Variants in TRABD2B observed in about 807,000 individuals in gnomAD.
The protein encoded by TRABD2B is metalloprotease TIKI2.
Under a neutral mutation model 40.1 loss-of-function variants are expected in TRABD2B, and 14 were observed. That is an observed-to-expected ratio of 0.35 (90% CI 0.23 to 0.55). The LOEUF is 0.55. Among genes scored for constraint, TRABD2B ranks in the 20% least tolerant of loss-of-function variants. The probability of loss-of-function intolerance (pLI) is 0.90; values close to 1 mark genes in which losing one functional copy is unlikely to be tolerated. For synonymous variants in TRABD2B, 263 were observed against 277.0 expected (o/e 0.95, Z 0.50); for missense variants, 541 against 648.6 (o/e 0.83, Z 1.80).
Position 47,997,029 on chromosome 1 carries a change from C to T in TRABD2B, c.-240G>A. ...CTGGGCCCCTCCCCCGGGCGCTCAA[C>T]CTCGCTGGCCGAGCCCCCGGGTGCT... is the stretch of plus-strand genomic sequence containing the variant. On this transcript the variant is annotated 5_prime_UTR_variant, in exon 1 of 7. Transcript: ENST00000606738. 9.4e-7 allele frequency: 1 copy of T among 1,062,824 alleles called. No individual in the cohort carries two copies. The highest frequency in any genetic ancestry group is 1.1e-6 in the Non-Finnish European group (1 of 881,304). 65.8% of individuals were successfully genotyped at this position (1,062,824 alleles called of 1,614,324 possible). A position where few individuals can be genotyped will look rare whatever the true frequency, so the allele number is the denominator to read the frequency against.
intron 2 of TRABD2B, among the ~76,000 whole-genome samples, chr1:47,989,155 C>G (rs540528825): frequency 3.6e-4 from 55 of 152,308 alleles, no homozygotes; most frequent in Non-Finnish European, 5.7e-4. Flanking sequence ...CTTGAACTTC[C>G]CAGCCTCCAG....
At position 47,763,684 on chromosome 1, in the gene TRABD2B, A is replaced by G. The variant is rs1248223527; in HGVS notation, c.*2218T>C. ...CCTGGACTGTTTACCCAAATGCTTC[A>G]TCTTTAATTAACCTCAAGCTCCATC... is the stretch of plus-strand genomic sequence containing the variant. On this transcript the variant is annotated 3_prime_UTR_variant, in exon 7 of 7. Coordinates refer to ENST00000606738, the MANE Select transcript of TRABD2B (RefSeq NM_001194986.2). The G allele has an allele frequency of 1.3e-5, 2 of 152,254 alleles. No individual in the cohort carries two copies. The highest frequency in any genetic ancestry group is 1.9e-4 in the East Asian group (1 of 5,188). 9.4% of individuals were successfully genotyped at this position (152,254 alleles called of 1,614,324 possible).
Position 47,994,153 on chromosome 1 carries a change from C to T in TRABD2B, c.547G>A (p.Val183Met). The change falls in exon 2 of 7, where the codon GTG becomes ATG. Residue 183 changes from valine (V) to methionine (M), a missense_variant. By Grantham distance (21) the Val-to-Met change is conservative. This residue lies in a region of TRABD2B where 369 missense variants were observed against 492.8 expected (regional missense o/e 0.75). Coordinates refer to ENST00000606738, the MANE Select transcript of TRABD2B (RefSeq NM_001194986.2). The surrounding 1 kb of genome is among the most constrained non-coding windows in gnomAD (Gnocchi z 6.7). ...LTERDVRFRG[V>M]PVLDLYLAQQ... The stretch of plus-strand genomic sequence containing the variant: ...GCCAGGTAGAGGTCGAGCACGGGCA[C>T]ACCACGGAAGCGCACGTCCCTCTCT... 6.5e-7 allele frequency: 1 copy of T among 1,536,550 alleles called. No individual in the cohort carries two copies. Among genetic ancestry groups the T allele is most frequent in the Non-Finnish European group, 8.7e-7 (1 of 1,147,004 alleles).
intron 2 of TRABD2B, among the ~76,000 whole-genome samples, chr1:47,838,843 A>G (rs1292350830): frequency 6.6e-6 from 1 of 152,134 alleles, no homozygotes; most frequent in Non-Finnish European, 1.5e-5. Context: ...TGGAGAAATG[A>G]GCAGTCCAAT....
Position 47,843,991 on chromosome 1 carries a change from A to G in TRABD2B, c.667-42372T>C, listed in dbSNP as rs532108084. ...CCGTAACATGTGGAAGAAAGCCCCA[A>G]TAGAAGCTGACTTTAGCCCTAACTC... On this transcript the variant is annotated intron_variant, in intron 2 of 6. Transcript: ENST00000606738. 5.3e-5 allele frequency among the ~76,000 whole-genome samples: 8 copies of G among 152,332 alleles called. No individual in the cohort carries two copies. The South Asian group carries it at 6.2e-4, about 12-fold the overall frequency.
chr1:47,858,839 G>C (rs1240746260), intron 2 of TRABD2B, among the ~76,000 whole-genome samples: 1 of 152,232 alleles, frequency 6.6e-6, no homozygotes, highest in African/African-American at 2.4e-5. Flanking sequence ...TGCCTCTAGA[G>C]AAAGGTCCTC....
At chr1:47,779,923 T>C (rs1246170017) in intron 4 of TRABD2B, among the ~76,000 whole-genome samples, 2 of 152,148 alleles carry the variant, frequency 1.3e-5, no homozygotes, top group African/African-American at 2.4e-5. Context: ...GGAACAGAGA[T>C]GCTCTGGCAG....
At chr1:47,966,692 G>A (rs1274881489) in intron 2 of TRABD2B, among the ~76,000 whole-genome samples, 1 of 152,066 alleles carries the variant, frequency 6.6e-6, no homozygotes, top group Non-Finnish European at 1.5e-5. Flanking sequence ...ATCACTTGAG[G>A]TCAGGAGTTT....
At chr1:47,807,886 T>C (rs1449990744) in intron 2 of TRABD2B, among the ~76,000 whole-genome samples, 1 of 152,196 alleles carries the variant, frequency 6.6e-6, no homozygotes, top group East Asian at 1.9e-4. Context: ...ATGGCCATGT[T>C]ATTGTCAGTA....
intron 4 of TRABD2B, among the ~76,000 whole-genome samples, chr1:47,792,269 C>A (rs1287693985): frequency 1.3e-5 from 2 of 152,238 alleles, no homozygotes; most frequent in Non-Finnish European, 2.9e-5. Flanking sequence ...ACGTTCATTT[C>A]TTCACTCATT....
At chr1:47,786,463 T>A (rs907748299) in intron 4 of TRABD2B, among the ~76,000 whole-genome samples, 10 of 152,184 alleles carry the variant, frequency 6.6e-5, no homozygotes, top group Non-Finnish European at 1.2e-4. Context: ...GAGGGGATGT[T>A]CCTCTGGCTG....
intron 2 of TRABD2B, among the ~76,000 whole-genome samples, chr1:47,855,599 T>C (rs367735142): frequency 8.2e-4 from 125 of 152,348 alleles, no homozygotes; most frequent in African/African-American, 2.5e-3. Context: ...TCTGTGAACA[T>C]AGTATGATTC....
chr1:47,948,926 T>C (rs1186523585), intron 2 of TRABD2B, among the ~76,000 whole-genome samples: 1 of 152,164 alleles, frequency 6.6e-6, no homozygotes, highest in Admixed American at 6.5e-5. Flanking sequence ...CCCATGACTT[T>C]GCTAAGTTTT....
intron 2 of TRABD2B, among the ~76,000 whole-genome samples, chr1:47,844,398 G>A (rs767675122): frequency 6.6e-6 from 1 of 152,214 alleles, no homozygotes; most frequent in Non-Finnish European, 1.5e-5. Context: ...CCAGCTTGGA[G>A]GCGGGAGAAG....
chr1:47,880,006 G>C (rs956270927), intron 2 of TRABD2B, among the ~76,000 whole-genome samples: 15 of 152,348 alleles, frequency 9.8e-5, no homozygotes, highest in East Asian at 5.8e-4. Flanking sequence ...GAGAGAGGAG[G>C]CTCCTTAAAG....
At chr1:47,912,344 A>G (rs974303943) in intron 2 of TRABD2B, among the ~76,000 whole-genome samples, 2 of 152,248 alleles carry the variant, frequency 1.3e-5, no homozygotes, top group Admixed American at 6.5e-5. Context: ...CAAAGTAATT[A>G]CCTTCCAAAG....
chr1:47,816,001 G>A (rs996423319), intron 2 of TRABD2B, among the ~76,000 whole-genome samples: 3 of 152,212 alleles, frequency 2.0e-5, no homozygotes, highest in Non-Finnish European at 4.4e-5. Flanking sequence ...GAGATTAATG[G>A]GACTTGGTTC....
At chr1:47,896,723 C>G (rs946523768) in intron 2 of TRABD2B, among the ~76,000 whole-genome samples, 1 of 152,168 alleles carries the variant, frequency 6.6e-6, no homozygotes, top group Non-Finnish European at 1.5e-5. Flanking sequence ...GTCTAGATTC[C>G]GACTGGCCTG....
chr1:47,930,055 G>A (rs1020370061), intron 2 of TRABD2B, among the ~76,000 whole-genome samples: 2 of 152,256 alleles, frequency 1.3e-5, no homozygotes, highest in African/African-American at 4.8e-5. Flanking sequence ...ACTCTCCCTC[G>A]TCTTTGGCTC....
Sources: gnomAD v4.1 joint callset for allele counts (sites outside exome capture counted in the v4.1 genomes callset) on GRCh38, gnomAD v4.1.1 for gene constraint, gnomAD v4.1.1 regional missense constraint, Gnocchi (gnomAD v3.1) non-coding constraint, MANE v1.5 for transcripts, NCBI Gene and HGNC (gene_info 2026-07-23, HGNC 2026-07-21) for gene names.